The following VWA8 variants were observed in gnomAD, a reference collection of about 807,000 sequenced individuals.
The protein encoded by VWA8 is von Willebrand factor A domain-containing protein 8.
In VWA8, 221 loss-of-function variants were observed where a neutral mutation model predicts 241.5. That is an observed-to-expected ratio of 0.91 (90% CI 0.82 to 1.02). The LOEUF is 1.02. Ranked by LOEUF, VWA8 falls within the 50% of genes least tolerant of loss-of-function variation. VWA8 has a pLI of 0.00. For missense variants in VWA8, 2,322 were observed against 2,328.7 expected (o/e 1.00, Z 0.06); for synonymous variants, 852 against 827.1 (o/e 1.03, Z -0.52).
intron 40 of VWA8, among the ~76,000 whole-genome samples, chr13:41,596,788 TACACACACACACACACACAC>T (rs142774673): frequency 1.5e-5 from 2 of 136,928 alleles, no homozygotes; most frequent in Non-Finnish European, 3.2e-5. Context: ...AACCAGAAAG[TACACACACACACACACACAC>T]ACACACACAC....
intron 15 of VWA8, 126 bp from the exon 16 acceptor site, chr13:41,816,901 T>G: frequency 1.3e-6 from 1 of 740,922 alleles, no homozygotes; most frequent in Non-Finnish European, 2.2e-6. Context: ...CATTCATTGT[T>G]GGCTAAATGT....
At chr13:41,849,986 C>T (rs9532935) in intron 12 of VWA8, among the ~76,000 whole-genome samples, 12,948 of 152,186 alleles carry the variant, frequency 0.085, 570 homozygotes, top group East Asian at 0.11. Flanking sequence ...GACTTCATTA[C>T]ATAATGTCCT....
chr13:41,944,135 TA>T (rs1209038186), intron 2 of VWA8, among the ~76,000 whole-genome samples: 6 of 138,600 alleles, frequency 4.3e-5, no homozygotes, highest in African/African-American at 5.3e-5. Flanking sequence ...ATAATAATAA[TA>T]AATAAATAAA....
chr13:41,786,956 G>A (rs1381642317), intron 18 of VWA8, among the ~76,000 whole-genome samples: 1 of 151,806 alleles, frequency 6.6e-6, no homozygotes, highest in African/African-American at 2.4e-5. Context: ...AATACAGGTG[G>A]AAATGGAATG....
chr13:41,870,626 A>G (rs572378347), intron 9 of VWA8, among the ~76,000 whole-genome samples: 3 of 145,160 alleles, frequency 2.1e-5, no homozygotes, highest in Non-Finnish European at 4.5e-5. Flanking sequence ...ACAGAGCAAG[A>G]CTCCGTCTCA....
chr13:41,881,262 C>T (rs1019984186), intron 9 of VWA8, among the ~76,000 whole-genome samples: 5 of 150,528 alleles, frequency 3.3e-5, no homozygotes, highest in Admixed American at 6.7e-5. Context: ...GGTCCAGGCT[C>T]ATCTTCTGCA....
chr13:41,593,311 C>G (rs1305813129), intron 40 of VWA8, among the ~76,000 whole-genome samples: 1 of 152,132 alleles, frequency 6.6e-6, no homozygotes, highest in Non-Finnish European at 1.5e-5. Context: ...CTAAGAACTA[C>G]CATGTATGTG....
chr13:41,631,412 C>T (rs2044726101), intron 37 of VWA8, among the ~76,000 whole-genome samples: 1 of 152,050 alleles, frequency 6.6e-6, no homozygotes, highest in Non-Finnish European at 1.5e-5. Flanking sequence ...TTGACTTTGA[C>T]CCCTACCAAG....
rs532021688 is a variant in VWA8, at chr13:41,830,875, G to T, written c.1587-233C>A. On this transcript the variant is annotated intron_variant, in intron 13 of 44. Coordinates refer to ENST00000379310, the MANE Select transcript of VWA8 (RefSeq NM_015058.2). ...AAATATTTGATAGGGATATGAAAGA[G>T]GGGGAGGAGGAGGAAAAAAGAAAAG... 3.9e-5 allele frequency among the ~76,000 whole-genome samples: 6 copies of T among 152,208 alleles called. No homozygotes were observed. The East Asian group carries it at 1.2e-3, about 29-fold the overall frequency.
chr13:41,665,182 C>T (rs1025347362), intron 37 of VWA8, among the ~76,000 whole-genome samples: 4 of 152,038 alleles, frequency 2.6e-5, no homozygotes, highest in African/African-American at 9.7e-5. Flanking sequence ...GCTTTGTCTC[C>T]ATAAAGCATT....
At chr13:41,808,057 G>A (rs1022185023) in intron 17 of VWA8, 8 of 152,004 alleles carry the variant, frequency 5.3e-5, no homozygotes, top group Non-Finnish European at 1.0e-4. Flanking sequence ...ACAAAAAACA[G>A]GAGTCACTAT....
chr13:41,849,678 G>A (rs1417889143), intron 12 of VWA8, among the ~76,000 whole-genome samples: 1 of 152,122 alleles, frequency 6.6e-6, no homozygotes, highest in Non-Finnish European at 1.5e-5. Flanking sequence ...CATGAGGTCA[G>A]GAGTTCAAGA....
intron 9 of VWA8, among the ~76,000 whole-genome samples, chr13:41,871,868 G>T (rs889167183): frequency 6.6e-6 from 1 of 152,204 alleles, no homozygotes; most frequent in Admixed American, 6.6e-5. Flanking sequence ...CTAGATCCCT[G>T]AGAAATCGCC....
chr13:41,643,758 C>T (rs2044812351), intron 37 of VWA8, among the ~76,000 whole-genome samples: 1 of 152,054 alleles, frequency 6.6e-6, no homozygotes, highest in Admixed American at 6.6e-5. Context: ...ATCACCAACA[C>T]CAGGCTCTAA....
At chr13:41,740,281 AG>A (rs1167855450) in intron 21 of VWA8, among the ~76,000 whole-genome samples, 3 of 152,214 alleles carry the variant, frequency 2.0e-5, no homozygotes, top group African/African-American at 7.2e-5. Context: ...AATTTGATGT[AG>A]ATTTTTTTAA....
intron 20 of VWA8, among the ~76,000 whole-genome samples, chr13:41,774,496 T>G (rs1429230834): frequency 1.3e-5 from 2 of 152,226 alleles, no homozygotes; most frequent in Non-Finnish European, 2.9e-5. Flanking sequence ...CAGCAAGTAT[T>G]TGTTGAATGT....
At chr13:41,819,493 T>G in intron 14 of VWA8, 107 bp from the exon 15 acceptor site, 1 of 1,151,402 alleles carries the variant, frequency 8.7e-7, no homozygotes, top group Non-Finnish European at 1.2e-6. Context: ...CTGTTAATAA[T>G]GTCAATGTTA....
chr13:41,858,899 G>T (rs545340120), intron 12 of VWA8, among the ~76,000 whole-genome samples: 1 of 152,012 alleles, frequency 6.6e-6, no homozygotes, highest in African/African-American at 2.4e-5. Flanking sequence ...AAAACAAGAT[G>T]AGCTACAGAC....
chr13:41,930,333 C>T (rs1312673873), intron 2 of VWA8, among the ~76,000 whole-genome samples: 1 of 152,172 alleles, frequency 6.6e-6, no homozygotes, highest in Non-Finnish European at 1.5e-5. Context: ...GAAATTAAAA[C>T]TAGAAATACT....
Sources: allele counts gnomAD v4.1 joint callset (sites outside exome capture counted in the v4.1 genomes callset), GRCh38; gene constraint gnomAD v4.1.1; transcripts MANE v1.5; gene names NCBI Gene and HGNC (gene_info 2026-07-23, HGNC 2026-07-21).